HECTD2: variants seen among roughly 807,000 people sequenced by gnomAD.
HECTD2 encodes the protein HECT domain E3 ubiquitin protein ligase 2.
In HECTD2, 35 loss-of-function variants were observed where a neutral mutation model predicts 103.2. The observed-to-expected ratio is 0.34, with a 90% CI of 0.26 to 0.45. The LOEUF is 0.45. Among genes scored for constraint, HECTD2 ranks in the 20% least tolerant of loss-of-function variants. The probability of loss-of-function intolerance (pLI) is 1.00; values close to 1 mark genes in which losing one functional copy is unlikely to be tolerated. For synonymous variants in HECTD2, 281 were observed against 329.9 expected (o/e 0.85, Z 1.61); for missense variants, 596 against 937.4 (o/e 0.64, Z 4.76).
intron 1 of HECTD2, among the ~76,000 whole-genome samples, chr10:91,412,314 T>C (rs1011300585): frequency 7.9e-5 from 12 of 152,086 alleles, no homozygotes; most frequent in African/African-American, 2.9e-4. Context: ...GACTTTGAAA[T>C]TGTAAATAGA....
intron 20 of HECTD2, among the ~76,000 whole-genome samples, chr10:91,503,566 C>T (rs962953825): frequency 6.6e-6 from 1 of 152,208 alleles, no homozygotes; most frequent in Non-Finnish European, 1.5e-5. Context: ...TGCGCTTTTC[C>T]GACGGGCTTA....
At chr10:91,456,810 A>C (rs991609920) in intron 2 of HECTD2, among the ~76,000 whole-genome samples, 1 of 152,124 alleles carries the variant, frequency 6.6e-6, no homozygotes, top group African/African-American at 2.4e-5. Context: ...TAGGAAAAGA[A>C]GAGAAAATCA....
At position 91,496,165 on chromosome 10, in the gene HECTD2, A is replaced by G. The variant is rs200328171; in HGVS notation, c.1522-49A>G. ...TAGACTGATGCATAATTCAGAACTC[A>G]TTTGTTGTCATGGATTTTATGTTAA... On this transcript the variant is annotated intron_variant, in intron 14 of 20. Transcript: ENST00000298068. 1.3e-4 allele frequency: 183 copies of G among 1,385,946 alleles called. 2 individuals carry two copies. The highest frequency in any genetic ancestry group is 9.9e-7 in the Non-Finnish European group (1 of 1,007,298). 85.9% of individuals were successfully genotyped at this position (1,385,946 alleles called of 1,614,324 possible). A position where few individuals can be genotyped will look rare whatever the true frequency, so the allele number is the denominator to read the frequency against.
In HECTD2 at chr10:91,493,425, T is replaced by C; in HGVS notation, c.1438T>C (p.Phe480Leu). Residue 480 changes from phenylalanine to leucine, a missense_variant, in exon 14 of 21, where the codon TTT becomes CTT. Phe to Leu is a conservative substitution (Grantham distance 22). Around this residue, in one of 4 missense-constraint regions of HECTD2, gnomAD observed 303 missense variants for 522.5 expected, o/e 0.58. Transcript: ENST00000298068. ...RQIFHPDYGM[F>L]TYHKDSHCHW... is the part of the protein sequence containing the mutation. ...TTATTCGTGTGTTTTTTTAGGCATG[T>C]TTACATATCACAAGGATTCACACTG... 6.6e-7 allele frequency: 1 copy of C among 1,510,492 alleles called. No individual in the cohort carries two copies. The allele number at this position is 1,510,492 out of a possible 1,614,324, so 93.6% of individuals were successfully genotyped here. A position where few individuals can be genotyped will look rare whatever the true frequency, so the allele number is the denominator to read the frequency against.
chr10:91,461,356 G>A lies in HECTD2; in HGVS notation c.510G>A (p.Lys170=), dbSNP rs1589509608. ...DSFPELNAAF[K]KDATASFNTI... ...TCCCAGAATTAAATGCTGCATTTAAGGTAATTATACATAAAACACACTTTT... is the reference window on the plus strand; with the variant it reads ...TCCCAGAATTAAATGCTGCATTTAAAGTAATTATACATAAAACACACTTTT... The change falls in exon 4 of 21, where the codon AAG becomes AAA. Residue 170 remains lysine (K), a splice_region_variant and synonymous_variant. Transcript: ENST00000298068. 1.5e-6 allele frequency: 2 copies of A among 1,346,714 alleles called. No individual in the cohort carries two copies. The highest frequency in any genetic ancestry group is 2.1e-6 in the Non-Finnish European group (2 of 972,488). 83.4% of individuals were successfully genotyped at this position (1,346,714 alleles called of 1,614,324 possible). A position where few individuals can be genotyped will look rare whatever the true frequency, so the allele number is the denominator to read the frequency against.
At chr10:91,439,279 T>C (rs1844282102) in intron 2 of HECTD2, among the ~76,000 whole-genome samples, 2 of 152,212 alleles carry the variant, frequency 1.3e-5, no homozygotes, top group South Asian at 4.1e-4. Context: ...GATTCCAGTT[T>C]CAGTTTTCTG....
intron 2 of HECTD2, among the ~76,000 whole-genome samples, chr10:91,457,894 T>C (rs914322683): frequency 4.6e-5 from 7 of 151,886 alleles, no homozygotes; most frequent in African/African-American, 1.7e-4. Flanking sequence ...ATGTTTGCTC[T>C]TACTCTTATT....
intron 14 of HECTD2, among the ~76,000 whole-genome samples, chr10:91,495,929 A>AG (rs1044969045): frequency 1.3e-5 from 2 of 152,184 alleles, no homozygotes; most frequent in African/African-American, 4.8e-5. Flanking sequence ...ATTACAGGCA[A>AG]GTCTTAAGTT....
At chr10:91,437,257 A>C (rs1844158005) in intron 2 of HECTD2, among the ~76,000 whole-genome samples, 1 of 152,016 alleles carries the variant, frequency 6.6e-6, no homozygotes, top group Non-Finnish European at 1.5e-5. Context: ...AGCTGGAATC[A>C]CCTGAAGGCT....
At chr10:91,478,443 G>A (rs969054201) in intron 6 of HECTD2, among the ~76,000 whole-genome samples, 178 bp downstream of exon 6, 5 of 152,182 alleles carry the variant, frequency 3.3e-5, no homozygotes, top group African/African-American at 1.2e-4. Flanking sequence ...CTTGAGATTT[G>A]TGACCTCTCA....
At chr10:91,475,695 A>G (rs1244547579) in intron 5 of HECTD2, among the ~76,000 whole-genome samples, 2 of 152,220 alleles carry the variant, frequency 1.3e-5, no homozygotes, top group East Asian at 1.9e-4. Context: ...AATAAAGTCA[A>G]TACATCAGTC....
intron 2 of HECTD2, among the ~76,000 whole-genome samples, chr10:91,458,798 G>A (rs1013058555): frequency 6.6e-6 from 1 of 151,810 alleles, no homozygotes; most frequent in African/African-American, 2.4e-5. Flanking sequence ...AAAATGAAAC[G>A]ATCTTTGGGC....
intron 20 of HECTD2, among the ~76,000 whole-genome samples, chr10:91,505,261 C>G (rs576581703): frequency 1.3e-5 from 2 of 151,878 alleles, no homozygotes; most frequent in African/African-American, 4.8e-5. Context: ...GGATCAAATT[C>G]ACACATAACA....
At chr10:91,512,081 A>AG (rs1200426241) in intron 20 of HECTD2, among the ~76,000 whole-genome samples, 183 bp from the exon 21 acceptor site, 1 of 152,190 alleles carries the variant, frequency 6.6e-6, no homozygotes, top group Non-Finnish European at 1.5e-5. Context: ...TAGTGTCTAG[A>AG]GTGGTGTCTG....
intron 5 of HECTD2, among the ~76,000 whole-genome samples, chr10:91,475,037 AAGG>A (rs1428796658): frequency 6.6e-6 from 1 of 152,194 alleles, no homozygotes; most frequent in African/African-American, 2.4e-5. Context: ...ATTTGGGAGA[AAGG>A]AGAAGACTAG....
intron 20 of HECTD2, 101 bp from the exon 21 acceptor site, chr10:91,512,163 A>G: frequency 8.0e-7 from 1 of 1,249,988 alleles, no homozygotes; most frequent in Non-Finnish European, 1.1e-6. Context: ...ACAGAGTGAA[A>G]TAGATTTGAA....
chr10:91,450,034 A>G (rs201604816), intron 2 of HECTD2, among the ~76,000 whole-genome samples: 2 of 152,180 alleles, frequency 1.3e-5, no homozygotes, highest in East Asian at 1.9e-4. Flanking sequence ...ACTACTTTAC[A>G]TTTCATATAG....
In HECTD2 at chr10:91,487,255, T is replaced by C. The variant is rs941007472; in HGVS notation, c.1095-427T>C. Reference sequence around the variant, plus strand: ...CTGTAGTTATTGTTAGATTTTTTCATTTCTGGAACTCACACATCAGAAGTC... The same window carrying C: ...CTGTAGTTATTGTTAGATTTTTTCACTTCTGGAACTCACACATCAGAAGTC... On this transcript the variant is annotated intron_variant, in intron 10 of 20. Coordinates refer to ENST00000298068, the MANE Select transcript of HECTD2 (RefSeq NM_182765.6). This position sits in a 1 kb window ranked among gnomAD's most constrained non-coding sequence, Gnocchi z 4.1. 5.5e-6 allele frequency: 1 copy of C among 182,818 alleles called. No individual in the cohort carries two copies. The highest frequency in any genetic ancestry group is 2.4e-5 in the African/African-American group (1 of 42,460). The allele number at this position is 182,818 out of a possible 1,614,324, so 11.3% of individuals were successfully genotyped here. A position where few individuals can be genotyped will look rare whatever the true frequency, so the allele number is the denominator to read the frequency against.
At position 91,512,400 on chromosome 10, in the gene HECTD2, A is replaced by C. The variant is rs762580338; in HGVS notation, c.*16A>C. 6.2e-7 allele frequency: 1 copy of C among 1,608,824 alleles called. No individual in the cohort carries two copies. The highest frequency in any genetic ancestry group is 1.7e-5 in the Admixed American group (1 of 59,868). ...ACTTGAGTAACCTAGAAGACTTGAA[A>C]TATAATCTTTTATATGTAGCATTCA... On this transcript the variant is annotated 3_prime_UTR_variant, in exon 21 of 21. Transcript: ENST00000298068.
Sources: gnomAD v4.1 joint callset for allele counts (sites outside exome capture counted in the v4.1 genomes callset) on GRCh38, gnomAD v4.1.1 for gene constraint, gnomAD v4.1.1 regional missense constraint, Gnocchi (gnomAD v3.1) non-coding constraint, MANE v1.5 for transcripts, NCBI Gene and HGNC (gene_info 2026-07-23, HGNC 2026-07-21) for gene names.